The following SPART variants were observed in gnomAD, a reference collection of about 807,000 sequenced individuals.
SPART encodes the protein spastic paraplegia 20 (Troyer syndrome).
SPART carries 35 observed loss-of-function variants against 58.7 expected under a neutral mutation model. The observed-to-expected ratio is 0.60, with a 90% CI of 0.46 to 0.79. The LOEUF (loss-of-function observed/expected upper bound fraction) is 0.79, where lower values mean the gene tolerates loss of function less well. Among genes scored for constraint, SPART ranks in the 30% least tolerant of loss-of-function variants. The pLI is 0.00. For synonymous variants in SPART, 284 were observed against 280.7 expected (o/e 1.01, Z -0.12); for missense variants, 730 against 786.1 (o/e 0.93, Z 0.85).
In SPART at chr13:36,302,150, G is replaced by C. The variant is rs1880047624; in HGVS notation, c.*2215C>G. ...AGAAAATAGGAAGAACATACATATA[G>C]GTAATTGGCAGCTTTCCATGTCTTT... On this transcript the variant is annotated 3_prime_UTR_variant, in exon 9 of 9. Coordinates refer to ENST00000438666, the MANE Select transcript of SPART (RefSeq NM_015087.5). 6.6e-6 allele frequency: 1 copy of C among 152,070 alleles called. No homozygotes were observed. The highest frequency in any genetic ancestry group is 2.4e-5 in the African/African-American group (1 of 41,418). 9.4% of individuals were successfully genotyped at this position (152,070 alleles called of 1,614,324 possible).
chr13:36,313,695 T>C (rs568135362), intron 6 of SPART, among the ~76,000 whole-genome samples: 1 of 152,366 alleles, frequency 6.6e-6, no homozygotes, highest in Non-Finnish European at 1.5e-5. Flanking sequence ...TACAGTCACA[T>C]GGTGTATAGG....
At chr13:36,334,221 G>A (rs1448053315) in intron 2 of SPART, among the ~76,000 whole-genome samples, 4 of 152,068 alleles carry the variant, frequency 2.6e-5, no homozygotes, top group Non-Finnish European at 5.9e-5. Flanking sequence ...CTTTTAAAAC[G>A]AGACTGTCAC....
rs538568915 is a variant in SPART at position 36,317,230 on chromosome 13, C to T, written c.1289-2809G>A. 2.0e-3 allele frequency among the ~76,000 whole-genome samples: 309 copies of T among 152,244 alleles called. 2 individuals carry two copies. The highest frequency in any genetic ancestry group is 7.1e-3 in the African/African-American group (294 of 41,550). On this transcript the variant is annotated intron_variant, in intron 5 of 8. Coordinates refer to ENST00000438666, the MANE Select transcript of SPART (RefSeq NM_015087.5). ...GTCCTTCACCCTTAGCGGCAAGTCCCGCTTTTCTGGGGAAGGGGCAAGTAC... is the reference window on the plus strand; with the variant it reads ...GTCCTTCACCCTTAGCGGCAAGTCCTGCTTTTCTGGGGAAGGGGCAAGTAC...
Position 36,304,652 on chromosome 13 carries a change from G to C in SPART, c.1734-20C>G. 3.1e-6 allele frequency: 5 copies of C among 1,611,234 alleles called. No homozygotes were observed. Among genetic ancestry groups the C allele is most frequent in the Non-Finnish European group, 4.2e-6 (5 of 1,178,274 alleles). ...CCGTATCTTTAAAAGAAAGATTAGA[G>C]GACATACAATGAAACAATAAATATA... On this transcript the variant is annotated intron_variant, in intron 8 of 8. Coordinates refer to ENST00000438666, the MANE Select transcript of SPART (RefSeq NM_015087.5).
At chr13:36,347,656 G>A (rs979934184), upstream of SPART, among the ~76,000 whole-genome samples, 1 of 152,090 alleles carries the variant, frequency 6.6e-6, no homozygotes, top group African/African-American at 2.4e-5. Context: ...GTTTCAAAAT[G>A]ATTTTGCTCT....
At chr13:36,320,274 T>C (rs1032170068) in intron 5 of SPART, among the ~76,000 whole-genome samples, 1 of 152,176 alleles carries the variant, frequency 6.6e-6, no homozygotes, top group African/African-American at 2.4e-5. Flanking sequence ...ACAATTACCG[T>C]TGTTCCTGGC....
At chr13:36,327,617 AAATAT>A in intron 4 of SPART, among the ~76,000 whole-genome samples, 1 of 152,354 alleles carries the variant, frequency 6.6e-6, no homozygotes, top group African/African-American at 2.4e-5. Context: ...CATTTATGTT[AAATAT>A]TATATATGTC....
At position 36,304,445 on chromosome 13, in the gene SPART, C is replaced by T. The variant is rs920421325; in HGVS notation, c.1921G>A (p.Gly641Arg). The T allele has an allele frequency of 6.2e-7, 1 of 1,614,092 alleles. No homozygotes were observed. The highest frequency in any genetic ancestry group is 2.2e-5 in the East Asian group (1 of 44,866). Residue 641 changes from glycine (G) to arginine (R), a missense_variant, in exon 9 of 9, where the codon GGA becomes AGA. Gly to Arg is a moderately radical substitution (Grantham distance 125). Coordinates refer to ENST00000438666, the MANE Select transcript of SPART (RefSeq NM_015087.5). The stretch of plus-strand genomic sequence containing the variant: ...CCTCTCACGTTGACATTTGCTGCTC[C>T]TTCTTGATTTTCCCTCTGAGAATTA... ...VDNSQRENQEGAANVNVRGEK... is the reference protein window; with the variant it reads ...VDNSQRENQERAANVNVRGEK...
At chr13:36,341,536 T>G (rs1884588140) in intron 1 of SPART, among the ~76,000 whole-genome samples, 1 of 152,330 alleles carries the variant, frequency 6.6e-6, no homozygotes, top group South Asian at 2.1e-4. Context: ...AATATCCACA[T>G]GTACCTAGTG....
Position 36,301,785 on chromosome 13 carries a change from CA to C in SPART, c.*2579del, listed in dbSNP as rs1251688054. 1.7e-4 allele frequency: 26 copies of C among 152,272 alleles called. No homozygotes were observed. The highest frequency in any genetic ancestry group is 6.3e-4 in the African/African-American group (26 of 41,552). The allele number at this position is 152,272 out of a possible 1,614,324, so 9.4% of individuals were successfully genotyped here. On this transcript the variant is annotated 3_prime_UTR_variant, in exon 9 of 9. Coordinates refer to ENST00000438666, the MANE Select transcript of SPART (RefSeq NM_015087.5). ...ACAAGCCAACAACTCCACTCTTACGCATAAAGTCTCTTGCATATGTGTACCA... is the reference window on the plus strand; with the variant it reads ...ACAAGCCAACAACTCCACTCTTACGCTAAAGTCTCTTGCATATGTGTACCA...
At chr13:36,348,993 GT>G (rs200058328), upstream of SPART, among the ~76,000 whole-genome samples, 809 of 152,292 alleles carry the variant, frequency 5.3e-3, 8 homozygotes, top group African/African-American at 0.018. Context: ...GCCAGGCATG[GT>G]GGCTCACACC....
At chr13:36,344,037 A>T (rs1884819628) in intron 1 of SPART, among the ~76,000 whole-genome samples, 1 of 146,176 alleles carries the variant, frequency 6.8e-6, no homozygotes, top group African/African-American at 2.5e-5. Flanking sequence ...TGTCTCTTTA[A>T]AAAAAAAAAA....
At chr13:36,366,806 C>G (rs1349397856) in intron 1 of SPART, among the ~76,000 whole-genome samples, 1 of 14,176 alleles carries the variant, frequency 7.1e-5, no homozygotes, top group Non-Finnish European at 1.3e-4. Context: ...TTATTTAAAC[C>G]GGCATGAGGA....
At chr13:36,321,104 A>G (rs1882332691) in intron 5 of SPART, among the ~76,000 whole-genome samples, 1 of 152,188 alleles carries the variant, frequency 6.6e-6, no homozygotes, top group African/African-American at 2.4e-5. Context: ...TCCCGTACAG[A>G]CGCTCCTTAT....
intron 5 of SPART, among the ~76,000 whole-genome samples, chr13:36,315,492 A>G (rs1881598178): frequency 6.6e-6 from 1 of 152,246 alleles, no homozygotes; most frequent in Admixed American, 6.5e-5. Context: ...CAATCATGTG[A>G]AAACCACAGC....
At chr13:36,349,073 G>A (rs1289242679), upstream of SPART, among the ~76,000 whole-genome samples, 5 of 152,106 alleles carry the variant, frequency 3.3e-5, no homozygotes, top group Admixed American at 6.6e-5. Flanking sequence ...AGACCAGCCC[G>A]ACCAACATGA....
chr13:36,364,075 C>A (rs1472363430), intron 1 of SPART, among the ~76,000 whole-genome samples: 1 of 152,148 alleles, frequency 6.6e-6, no homozygotes, highest in East Asian at 1.9e-4. Context: ...CACAGTCTTC[C>A]TGATTGCTAA....
Position 36,307,574 on chromosome 13 carries a change from TC to T in SPART, c.1734-2943del, listed in dbSNP as rs1298801553. Among the ~76,000 whole-genome samples, 11 of 152,144 alleles carry T rather than the reference TC, an allele frequency of 7.2e-5. No homozygotes were observed. The East Asian group carries it at 2.1e-3, about 29-fold the overall frequency. Reference sequence around the variant, plus strand: ...TATTGCTGGGGAAAATAAAAATAGATCTAACTATCAAAGCTATATTATTATT... The same window carrying T: ...TATTGCTGGGGAAAATAAAAATAGATTAACTATCAAAGCTATATTATTATT... On this transcript the variant is annotated intron_variant, in intron 8 of 8. Coordinates refer to ENST00000438666, the MANE Select transcript of SPART (RefSeq NM_015087.5).
rs201858239 is a variant in SPART at position 36,312,129 on chromosome 13, A to G, written c.1733+16T>C. 1.2e-6 allele frequency: 2 copies of G among 1,606,356 alleles called. No homozygotes were observed. Among genetic ancestry groups the G allele is most frequent in the Non-Finnish European group, 1.7e-6 (2 of 1,173,150 alleles). The stretch of plus-strand genomic sequence containing the variant: ...ACAAAACAGAGATTTAGTCATTAAA[A>G]TAAAATTCAACTTACTTGTATCTGA... On this transcript the variant is annotated intron_variant, in intron 8 of 8. Transcript: ENST00000438666.
Sources: gnomAD v4.1 joint callset for allele counts (sites outside exome capture counted in the v4.1 genomes callset) on GRCh38, gnomAD v4.1.1 for gene constraint, MANE v1.5 for transcripts, NCBI Gene and HGNC (gene_info 2026-07-23, HGNC 2026-07-21) for gene names.